RBM33: variants seen among roughly 807,000 people sequenced by gnomAD.
The protein encoded by RBM33 is RNA-binding protein 33.
A neutral mutation model predicts 132.6 loss-of-function variants in RBM33; 28 were observed. The observed-to-expected ratio is 0.21, with a 90% confidence interval of 0.16 to 0.29. RBM33 has a LOEUF of 0.29. RBM33 is among the 10% of genes least tolerant of loss of function. RBM33 has a pLI of 1.00. For missense variants in RBM33, 1,291 were observed against 1,518.5 expected, an observed-to-expected ratio of 0.85 and a Z score of 2.49; for synonymous variants, 634 against 593.0, an observed-to-expected ratio of 1.07 and a Z score of -1.01.
At chr7:155,693,322 AT>A (rs1022074849) in intron 5 of RBM33, among the ~76,000 whole-genome samples, 1 of 116,642 alleles carries the variant, frequency 8.6e-6, no homozygotes, top group African/African-American at 2.9e-5. Flanking sequence ...CACTCTTGTG[AT>A]TTTTTTTTCT....
chr7:155,675,883 C>T (rs1799171551), intron 3 of RBM33, among the ~76,000 whole-genome samples: 1 of 152,152 alleles, frequency 6.6e-6, no homozygotes, highest in Non-Finnish European at 1.5e-5. Context: ...TTTCCATTCC[C>T]TGTTCGATAC....
intron 6 of RBM33, among the ~76,000 whole-genome samples, chr7:155,703,287 T>C (rs753374358): frequency 6.6e-6 from 1 of 152,244 alleles, no homozygotes; most frequent in Non-Finnish European, 1.5e-5. Context: ...CTGGAAACTT[T>C]GTGTTCATGT....
chr7:155,658,691 G>T (rs372711962), intron 1 of RBM33, among the ~76,000 whole-genome samples: 1 of 152,132 alleles, frequency 6.6e-6, no homozygotes. Flanking sequence ...GAGCCACCGC[G>T]CCCGGCTGCT....
chr7:155,729,472 C>CA (rs1800890270), intron 9 of RBM33, among the ~76,000 whole-genome samples: 1 of 152,176 alleles, frequency 6.6e-6, no homozygotes, highest in Non-Finnish European at 1.5e-5. Flanking sequence ...TGCAGTGACT[C>CA]ACACCTGTAA....
intron 14 of RBM33, among the ~76,000 whole-genome samples, chr7:155,748,095 G>A (rs1223310344): frequency 6.6e-6 from 1 of 152,240 alleles, no homozygotes; most frequent in African/African-American, 2.4e-5. Context: ...GACCTTGGCT[G>A]ACAGGAGCTT....
intron 12 of RBM33, 49 bp downstream of exon 12, chr7:155,740,075 A>T: frequency 6.8e-7 from 1 of 1,463,776 alleles, no homozygotes; most frequent in Non-Finnish European, 9.1e-7. Flanking sequence ...AGGCCTTTTA[A>T]CTTACAGGAC....
At chr7:155,646,579 G>A (rs566100545) in intron 1 of RBM33, among the ~76,000 whole-genome samples, 12 of 152,318 alleles carry the variant, frequency 7.9e-5, no homozygotes. Flanking sequence ...CGCATGGACT[G>A]CTCCTGTACC....
intron 16 of RBM33, among the ~76,000 whole-genome samples, chr7:155,767,128 T>G (rs1802248281): frequency 6.6e-6 from 1 of 152,252 alleles, no homozygotes; most frequent in African/African-American, 2.4e-5. Flanking sequence ...TCTCTTAATT[T>G]AAAGCTGGCT....
intron 9 of RBM33, among the ~76,000 whole-genome samples, chr7:155,728,125 C>T (rs1468806574): frequency 6.6e-6 from 1 of 152,150 alleles, no homozygotes; most frequent in Non-Finnish European, 1.5e-5. Context: ...AATGTTTTTT[C>T]TGAGTGGTGT....
At chr7:155,682,453 A>T (rs1224438836) in intron 5 of RBM33, among the ~76,000 whole-genome samples, 2 of 152,222 alleles carry the variant, frequency 1.3e-5, no homozygotes, top group African/African-American at 4.8e-5. Flanking sequence ...ACTGTAATTT[A>T]AAATGCTTTT....
At chr7:155,755,420 C>T (rs1018547646) in intron 14 of RBM33, among the ~76,000 whole-genome samples, 1 of 152,126 alleles carries the variant, frequency 6.6e-6, no homozygotes, top group Admixed American at 6.5e-5. Flanking sequence ...TTTCATAATA[C>T]CTTTACAGAA....
chr7:155,724,942 G>A (rs1234965226), intron 9 of RBM33, among the ~76,000 whole-genome samples: 1 of 151,442 alleles, frequency 6.6e-6, no homozygotes, highest in Non-Finnish European at 1.5e-5. Flanking sequence ...GTTATTTCAA[G>A]TCTTCGGATG....
intron 9 of RBM33, among the ~76,000 whole-genome samples, chr7:155,727,819 G>A (rs1013660293): frequency 2.0e-5 from 3 of 152,240 alleles, no homozygotes; most frequent in African/African-American, 7.2e-5. Flanking sequence ...AGGCTGGAGT[G>A]CAGTGGTGTG....
intron 9 of RBM33, among the ~76,000 whole-genome samples, chr7:155,720,484 A>T: frequency 6.6e-6 from 1 of 152,218 alleles, no homozygotes; most frequent in South Asian, 2.1e-4. Context: ...TGTAAGCCAG[A>T]TCTTCGTTGA....
intron 1 of RBM33, among the ~76,000 whole-genome samples, chr7:155,649,526 A>AT (rs954238457): frequency 1.2e-4 from 18 of 152,174 alleles, no homozygotes; most frequent in East Asian, 3.9e-4. Flanking sequence ...TGTTAGCTTG[A>AT]TTTTTTCGGT....
intron 5 of RBM33, among the ~76,000 whole-genome samples, chr7:155,694,307 T>C (rs190482144): frequency 1.9e-4 from 29 of 152,360 alleles, no homozygotes; most frequent in Non-Finnish European, 3.8e-4. Flanking sequence ...TTATAGTTAA[T>C]GCGGCCACAT....
intron 2 of RBM33, among the ~76,000 whole-genome samples, chr7:155,666,039 A>G (rs926014037): frequency 6.6e-6 from 1 of 152,388 alleles, no homozygotes; most frequent in African/African-American, 2.4e-5. Flanking sequence ...CTTACAGTTC[A>G]CATAAAGCTG....
intron 14 of RBM33, among the ~76,000 whole-genome samples, chr7:155,762,785 G>A (rs1164810710): frequency 6.6e-5 from 10 of 152,216 alleles, no homozygotes; most frequent in Admixed American, 6.5e-4. Context: ...ACCCTGTGGG[G>A]AGGGTTTACT....
chr7:155,728,118 G>GT (rs1177828055), intron 9 of RBM33, among the ~76,000 whole-genome samples: 1 of 152,158 alleles, frequency 6.6e-6, no homozygotes, highest in Non-Finnish European at 1.5e-5. Context: ...GTCATTGAAT[G>GT]TTTTTTCTGA....
Sources: gnomAD v4.1 joint callset for allele counts (sites outside exome capture counted in the v4.1 genomes callset) on GRCh38, gnomAD v4.1.1 for gene constraint, MANE v1.5 for transcripts, NCBI Gene and HGNC (gene_info 2026-07-23, HGNC 2026-07-21) for gene names.